Variants in UTRN observed in about 807,000 individuals in gnomAD.
UTRN encodes the protein dystrophin-related protein 1.
A neutral mutation model predicts 463.9 loss-of-function variants in UTRN; 283 were observed. The ratio of observed to expected loss-of-function variants is 0.61; its 90% confidence interval spans 0.55 to 0.67. The LOEUF is 0.67. Ranked by LOEUF, UTRN falls within the 30% of genes least tolerant of loss-of-function variation. UTRN has a pLI of 0.00. For missense variants in UTRN, 3,922 were observed against 4,084.3 expected (o/e 0.96, Z 1.08); for synonymous variants, 1,442 against 1,431.5 (o/e 1.01, Z -0.17).
intron 69 of UTRN, among the ~76,000 whole-genome samples, chr6:144,834,152 G>A (rs547429831): frequency 6.6e-6 from 1 of 152,254 alleles, no homozygotes; most frequent in South Asian, 2.1e-4. Context: ...ATTTCCAGTT[G>A]CTAACTGTGT....
At chr6:144,386,883 C>A (rs1781468809) in intron 2 of UTRN, among the ~76,000 whole-genome samples, 1 of 151,510 alleles carries the variant, frequency 6.6e-6, no homozygotes, top group East Asian at 1.9e-4. Flanking sequence ...CAAAAAAACT[C>A]AATATAAAAA....
chr6:144,573,496 C>A (rs1256181524), intron 50 of UTRN, among the ~76,000 whole-genome samples: 1 of 151,980 alleles, frequency 6.6e-6, no homozygotes, highest in Non-Finnish European at 1.5e-5. Flanking sequence ...GAGTTTGAGA[C>A]CAGCCTAGTC....
Position 144,435,988 on chromosome 6 carries a change from T to C in UTRN, c.909T>C (p.Thr303=), listed in dbSNP as rs1231985945. 4 of 1,614,218 alleles carry C rather than the reference T, an allele frequency of 2.5e-6. No individual in the cohort carries two copies. Among genetic ancestry groups the C allele is most frequent in the Non-Finnish European group, 3.4e-6 (4 of 1,180,038 alleles). Residue 303 remains threonine, a synonymous_variant, in exon 10 of 75, where the codon ACT becomes ACC. Transcript: ENST00000367545. ...GTCCCCGAGCTGAAACTCCCAGCAC[T>C]GTCACTGAGGTTGACATGGATCTGG... ...HESPRAETPS[T]VTEVDMDLDS...
intron 2 of UTRN, among the ~76,000 whole-genome samples, chr6:144,386,125 C>A (rs1471293248): frequency 6.6e-6 from 1 of 152,142 alleles, no homozygotes; most frequent in East Asian, 1.9e-4. Context: ...TTTTATCTGT[C>A]CCCCTCATCC....
In UTRN at chr6:144,491,154, T is replaced by C. The variant is rs1242146254; in HGVS notation, c.4437+52T>C. ...CCAGTGGCTTTTTCAGCAGCTGTTA[T>C]GGCTTGGTCTAGCAAGTACATGCCT... is the stretch of plus-strand genomic sequence containing the variant. On this transcript the variant is annotated intron_variant, in intron 32 of 74. Transcript: ENST00000367545. The C allele has an allele frequency of 3.2e-6, 5 of 1,541,792 alleles. No homozygotes were observed. In the African/African-American group the frequency reaches 4.1e-5, roughly 13 times the overall value.
chr6:144,476,219 G>A (rs117518635), intron 25 of UTRN, among the ~76,000 whole-genome samples: 5 of 151,164 alleles, frequency 3.3e-5, no homozygotes, highest in South Asian at 2.1e-4. Flanking sequence ...CTCCCAAAGC[G>A]TGGAGATCAC....
Position 144,789,249 on chromosome 6 carries a change from T to G in UTRN, c.8890T>G (p.Ser2964Ala), listed in dbSNP as rs1454164615. The G allele has an allele frequency of 6.2e-7, 1 of 1,613,284 alleles. No individual in the cohort carries two copies. The highest frequency in any genetic ancestry group is 2.2e-5 in the East Asian group (1 of 44,780). The change falls in exon 62 of 75, where the codon TCC becomes GCC. Residue 2964 changes from serine to alanine, a missense_variant. Coordinates refer to ENST00000367545, the MANE Select transcript of UTRN (RefSeq NM_007124.3). The part of the protein sequence containing the change: ...QSLKIGLMSL[S>A]KGLLEEKYRY... ...TCTGAAGATTGGATTAATGTCTCTC[T>G]CCAAAGGTCTCTTGGAAGAAAAATA... is the stretch of plus-strand genomic sequence containing the variant.
intron 41 of UTRN, among the ~76,000 whole-genome samples, chr6:144,526,936 C>T (rs963235156): frequency 4.6e-5 from 7 of 152,002 alleles, no homozygotes; most frequent in African/African-American, 1.7e-4. Flanking sequence ...GCTGGGGCTA[C>T]AGGTGCCCAC....
intron 51 of UTRN, among the ~76,000 whole-genome samples, chr6:144,614,527 A>T (rs1805866192): frequency 6.6e-6 from 1 of 152,190 alleles, no homozygotes; most frequent in Non-Finnish European, 1.5e-5. Flanking sequence ...TTTCTCAGAT[A>T]TGTGATGGAT....
chr6:144,557,143 C>T lies in UTRN; in HGVS notation c.7135-14C>T, dbSNP rs747976233. On this transcript the variant is annotated splice_polypyrimidine_tract_variant and intron_variant, in intron 49 of 74. Transcript: ENST00000367545. ...TGACCAAGTCTAACAAACAGACCTG[C>T]ACTTGCACCTCAGATACTGCTTCAA... 12 of 1,611,754 alleles carry T rather than the reference C, an allele frequency of 7.4e-6. No individual in the cohort carries two copies. The highest frequency in any genetic ancestry group is 6.7e-5 in the East Asian group (3 of 44,838).
intron 30 of UTRN, 83 bp from the exon 31 acceptor site, chr6:144,489,988 C>A: frequency 6.6e-7 from 1 of 1,524,000 alleles, no homozygotes; most frequent in Non-Finnish European, 8.9e-7. Flanking sequence ...TATTACACAA[C>A]GATATAGAAC....
chr6:144,645,106 A>C (rs1194564321), intron 51 of UTRN, among the ~76,000 whole-genome samples: 1 of 152,116 alleles, frequency 6.6e-6, no homozygotes. Flanking sequence ...ATTTCTTGCT[A>C]TTCTCAATAA....
At position 144,852,576 on chromosome 6, in the gene UTRN, A is replaced by G. The variant is rs1014068861; in HGVS notation, c.*1579A>G. On this transcript the variant is annotated 3_prime_UTR_variant, in exon 75 of 75. Coordinates refer to ENST00000367545, the MANE Select transcript of UTRN (RefSeq NM_007124.3). Reference sequence around the variant, plus strand: ...AAGAAGAAAATTGTTTTATATAAAAAGGAAAGCCATGACCACCTTTCTACC... The same window carrying G: ...AAGAAGAAAATTGTTTTATATAAAAGGGAAAGCCATGACCACCTTTCTACC... 3 of 152,618 alleles carry G rather than the reference A, an allele frequency of 2.0e-5. No individual in the cohort carries two copies. Among genetic ancestry groups the G allele is most frequent in the Non-Finnish European group, 4.4e-5 (3 of 68,022 alleles). The allele number at this position is 152,618 out of a possible 1,614,324, so 9.5% of individuals were successfully genotyped here.
At chr6:144,514,125 C>T (rs1297610775) in intron 36 of UTRN, 88 bp downstream of exon 36, 2 of 1,507,846 alleles carry the variant, frequency 1.3e-6, no homozygotes, top group Non-Finnish European at 1.8e-6. Context: ...AGTTACTTAG[C>T]TCTCATTCCT....
intron 53 of UTRN, among the ~76,000 whole-genome samples, chr6:144,725,525 T>A (rs1330479102): frequency 6.6e-6 from 1 of 152,206 alleles, no homozygotes; most frequent in Non-Finnish European, 1.5e-5. Flanking sequence ...AAATTCCAAT[T>A]ATATTATGTT....
At chr6:144,834,070 C>T (rs572135978) in intron 69 of UTRN, among the ~76,000 whole-genome samples, 59 of 152,286 alleles carry the variant, frequency 3.9e-4, no homozygotes, top group Admixed American at 4.6e-4. Context: ...AGTGATGCTG[C>T]GTTTTCTCAG....
At chr6:144,463,568 C>G (rs1037949278) in intron 23 of UTRN, among the ~76,000 whole-genome samples, 4 of 151,116 alleles carry the variant, frequency 2.6e-5, no homozygotes, top group African/African-American at 9.7e-5. Flanking sequence ...ACCAATCACA[C>G]TCTCTCCCTG....
chr6:144,621,031 A>G (rs1203949663), intron 51 of UTRN, among the ~76,000 whole-genome samples: 1 of 152,202 alleles, frequency 6.6e-6, no homozygotes, highest in Admixed American at 6.6e-5. Context: ...TAAGGGTATC[A>G]TGAAGTCAGA....
rs1189679111 is a variant in UTRN, at chr6:144,485,486, T to C, written c.3789T>C (p.Pro1263=). 6.2e-7 allele frequency: 1 copy of C among 1,614,030 alleles called. No homozygotes were observed. Among genetic ancestry groups the C allele is most frequent in the Non-Finnish European group, 8.5e-7 (1 of 1,180,024 alleles). ...EERMKSTEVL[P]EKTDAVNEAL... ...GGATGAAGAGCACAGAGGTCCTGCC[T>C]GAGAAGACGGATGCTGTCAACGAAG... Residue 1263 remains proline, a synonymous_variant, in exon 28 of 75, where the codon CCT becomes CCC. Transcript: ENST00000367545.
Sources: gnomAD v4.1 joint callset for allele counts (sites outside exome capture counted in the v4.1 genomes callset) on GRCh38, gnomAD v4.1.1 for gene constraint, MANE v1.5 for transcripts, NCBI Gene and HGNC (gene_info 2026-07-23, HGNC 2026-07-21) for gene names.